The following PARD3 variants were observed in gnomAD, a reference collection of about 807,000 sequenced individuals.
The protein encoded by PARD3 is par-3 family cell polarity regulator.
In PARD3, 75 loss-of-function variants were observed where a neutral mutation model predicts 155.4. That is an observed-to-expected ratio of 0.48 (90% CI 0.40 to 0.58). The LOEUF (loss-of-function observed/expected upper bound fraction) is 0.58. Ranked by LOEUF, PARD3 falls within the 20% of genes least tolerant of loss-of-function variation. PARD3 has a pLI of 0.00. For missense variants in PARD3, 1,642 were observed against 1,721.7 expected (o/e 0.95, Z 0.82); for synonymous variants, 576 against 610.5 (o/e 0.94, Z 0.83).
intron 3 of PARD3, among the ~76,000 whole-genome samples, chr10:34,472,446 A>C (rs1016994553): frequency 1.3e-5 from 2 of 152,244 alleles, no homozygotes; most frequent in Non-Finnish European, 2.9e-5. Context: ...ACCAAGAGGA[A>C]GCAAAATTTC....
intron 24 of PARD3, among the ~76,000 whole-genome samples, chr10:34,115,859 C>T (rs77299549): frequency 0.022 from 3,297 of 152,014 alleles, 129 homozygotes; most frequent in African/African-American, 0.073. Context: ...ACTACACGCG[C>T]CCACCACCAA....
At chr10:34,276,940 A>G (rs1485276650) in intron 21 of PARD3, among the ~76,000 whole-genome samples, 1 of 152,166 alleles carries the variant, frequency 6.6e-6, no homozygotes, top group South Asian at 2.1e-4. Context: ...GAATATACTA[A>G]TATTAGTTTA....
rs1564608800 is a variant in PARD3, at chr10:34,776,833, T to TTTTGGGGGGG, written c.120+38042_120+38043insCCCCCCCAAA. Reference sequence around the variant, plus strand: ...CCAAGTATTTTCAGTCGTGTTTTTTTGTGGGGGGGGGGGGCGGGTGGGGGA... The same window carrying TTTTGGGGGGG: ...CCAAGTATTTTCAGTCGTGTTTTTTTTTTGGGGGGGGTGGGGGGGGGGGGCGGGTGGGGGA... On this transcript the variant is annotated intron_variant, in intron 1 of 24. Transcript: ENST00000374788. Among the ~76,000 whole-genome samples, 10 of 9,916 alleles carry TTTTGGGGGGG rather than the reference T, an allele frequency of 1.0e-3. 1 individual carries two copies. Among genetic ancestry groups the TTTTGGGGGGG allele is most frequent in the African/African-American group, 2.9e-3 (10 of 3,492 alleles). The allele number at this position is 9,916 out of a possible 152,430, so 6.5% of individuals were successfully genotyped here.
chr10:34,353,426 G>A (rs80133471), intron 14 of PARD3, among the ~76,000 whole-genome samples: 7 of 152,124 alleles, frequency 4.6e-5, no homozygotes, highest in South Asian at 2.1e-4. Flanking sequence ...CCCCAACCCC[G>A]TGCTCTCTGA....
intron 5 of PARD3, among the ~76,000 whole-genome samples, chr10:34,435,485 T>G (rs1049707072): frequency 1.3e-5 from 2 of 152,160 alleles, no homozygotes; most frequent in Non-Finnish European, 2.9e-5. Flanking sequence ...AGAATACAAA[T>G]TGCCAACAAC....
chr10:34,208,319 T>G (rs148783229), intron 22 of PARD3, among the ~76,000 whole-genome samples: 1 of 152,372 alleles, frequency 6.6e-6, no homozygotes, highest in East Asian at 1.9e-4. Flanking sequence ...AAGTGAAGAC[T>G]GTCTGCAGGT....
At chr10:34,559,042 T>C (rs55894012) in intron 2 of PARD3, among the ~76,000 whole-genome samples, 10,066 of 149,786 alleles carry the variant, frequency 0.067, 999 homozygotes, top group African/African-American at 0.22. Flanking sequence ...AACTCATTTT[T>C]CCCCCCCACA....
intron 2 of PARD3, among the ~76,000 whole-genome samples, chr10:34,601,798 G>A (rs2132505618): frequency 6.6e-6 from 1 of 152,274 alleles, no homozygotes; most frequent in Middle Eastern, 3.4e-3. Flanking sequence ...TTTCCATTCT[G>A]TCATTCTACA....
intron 6 of PARD3, among the ~76,000 whole-genome samples, chr10:34,400,487 A>T (rs996504886): frequency 2.6e-5 from 4 of 152,182 alleles, no homozygotes; most frequent in Non-Finnish European, 5.9e-5. Flanking sequence ...TACATATAAC[A>T]TCAGAGGTCT....
chr10:34,709,331 G>A (rs2094416037), intron 1 of PARD3, among the ~76,000 whole-genome samples: 1 of 152,104 alleles, frequency 6.6e-6, no homozygotes, highest in South Asian at 2.1e-4. Context: ...TCCACTTGTG[G>A]TATCATGTCA....
At chr10:34,314,880 A>C (rs1435984618) in intron 20 of PARD3, among the ~76,000 whole-genome samples, 1 of 152,186 alleles carries the variant, frequency 6.6e-6, no homozygotes, top group African/African-American at 2.4e-5. Flanking sequence ...GTGTTTGACA[A>C]CCAGCTTGCA....
At chr10:34,696,115 G>A (rs1169654147) in intron 2 of PARD3, among the ~76,000 whole-genome samples, 1 of 152,108 alleles carries the variant, frequency 6.6e-6, no homozygotes, top group Non-Finnish European at 1.5e-5. Context: ...TAAGTCCCAG[G>A]TATCAAGAAA....
chr10:34,296,909 T>C (rs1956937716), intron 20 of PARD3, among the ~76,000 whole-genome samples: 1 of 152,184 alleles, frequency 6.6e-6, no homozygotes, highest in African/African-American at 2.4e-5. Flanking sequence ...GAGAACAGCC[T>C]GGGCAAAGAG....
At chr10:34,809,248 T>TTGA (rs1478223777) in intron 1 of PARD3, among the ~76,000 whole-genome samples, 6 of 152,132 alleles carry the variant, frequency 3.9e-5, no homozygotes, top group Non-Finnish European at 8.8e-5. Context: ...ACATGTTGAT[T>TTGA]CTCAGCTTTC....
intron 20 of PARD3, among the ~76,000 whole-genome samples, chr10:34,314,138 G>T (rs1050767021): frequency 6.6e-6 from 1 of 151,160 alleles, no homozygotes; most frequent in African/African-American, 2.4e-5. Flanking sequence ...AAAGAACAAA[G>T]AGAAAGGAAG....
At chr10:34,749,269 T>C (rs751296742) in intron 1 of PARD3, among the ~76,000 whole-genome samples, 1 of 152,236 alleles carries the variant, frequency 6.6e-6, no homozygotes, top group Non-Finnish European at 1.5e-5. Context: ...ACCATGATTA[T>C]TTCCCATTAT....
In PARD3 at chr10:34,788,146, T is replaced by C. The variant is rs527241886; in HGVS notation, c.120+26730A>G. Among the ~76,000 whole-genome samples, 26 of 152,240 alleles carry C rather than the reference T, an allele frequency of 1.7e-4. No homozygotes were observed. The South Asian group carries it at 3.3e-3, about 19-fold the overall frequency. On this transcript the variant is annotated intron_variant, in intron 1 of 24. Coordinates refer to ENST00000374788, the MANE Select transcript of PARD3 (RefSeq NM_001184785.2). ...CATGCAAGGGTCTTACAAGACCACGTGGACAGATAGGAAGTTATCTAGACA... is the reference window on the plus strand; with the variant it reads ...CATGCAAGGGTCTTACAAGACCACGCGGACAGATAGGAAGTTATCTAGACA...
intron 22 of PARD3, among the ~76,000 whole-genome samples, chr10:34,259,180 T>C (rs1015954906): frequency 3.2e-4 from 48 of 152,176 alleles, no homozygotes; most frequent in Non-Finnish European, 5.9e-4. Context: ...TCAAGTTTCA[T>C]TGAATCATGC....
chr10:34,377,843 C>T (rs1429395497), intron 10 of PARD3, 124 bp downstream of exon 10: 23 of 578,910 alleles, frequency 4.0e-5, no homozygotes, highest in South Asian at 9.7e-5. Flanking sequence ...CATTTTGTGA[C>T]GCATACTTCC....
Sources: gnomAD v4.1 joint callset for allele counts (sites outside exome capture counted in the v4.1 genomes callset) on GRCh38, gnomAD v4.1.1 for gene constraint, MANE v1.5 for transcripts, NCBI Gene and HGNC (gene_info 2026-07-23, HGNC 2026-07-21) for gene names.